DTWD1: variants seen among roughly 807,000 people sequenced by gnomAD.
DTWD1 encodes DTW motif tRNA-uridine aminocarboxypropyltransferase 1.
In DTWD1, 27 loss-of-function variants were observed where a neutral mutation model predicts 30.2. The observed-to-expected ratio is 0.90, with a 90% CI of 0.66 to 1.23. DTWD1 has a LOEUF of 1.23. Ranked by LOEUF, DTWD1 falls within the 50% of genes most tolerant of loss-of-function variation. The pLI, the probability that DTWD1 is intolerant of heterozygous loss-of-function variation, is 0.00. For synonymous variants in DTWD1, 99 were observed against 113.1 expected (o/e 0.88, Z 0.79); for missense variants, 342 against 348.8 (o/e 0.98, Z 0.15).
Position 49,643,423 on chromosome 15 carries a change from A to G in DTWD1, c.760A>G (p.Ile254Val). Residue 254 changes from isoleucine to valine, a missense_variant, in exon 5 of 5, where the codon ATT becomes GTT. Ile to Val is a conservative substitution (Grantham distance 29, BLOSUM62 3). Transcript: ENST00000403028. ...PDTFLSTIEA[I>V]YYFLVDYHTD... is the part of the protein sequence containing the mutation. ...TACTTTCCTTTCTACAATTGAAGCC[A>G]TTTACTACTTTCTGGTAGACTACCA... 6.2e-7 allele frequency: 1 copy of G among 1,605,012 alleles called. No homozygotes were observed.
chr15:49,636,674 G>A (rs1317935175), intron 4 of DTWD1, among the ~76,000 whole-genome samples: 1 of 152,048 alleles, frequency 6.6e-6, no homozygotes, highest in African/African-American at 2.4e-5. Context: ...TAAATCCAGG[G>A]TTGTCTATGT....
In DTWD1 at chr15:49,643,747, G is replaced by T; in HGVS notation, c.*169G>T. The T allele has an allele frequency of 1.4e-6, 1 of 697,758 alleles. No homozygotes were observed. The highest frequency in any genetic ancestry group is 3.5e-5 in the South Asian group (1 of 28,352). The allele number at this position is 697,758 out of a possible 1,614,324, so 43.2% of individuals were successfully genotyped here. On this transcript the variant is annotated 3_prime_UTR_variant, in exon 5 of 5. Transcript: ENST00000403028. ...TTTCTTGAAGGAAATTGTATCTGGG[G>T]GAATTTTTCAGAGATACTGTTGATT... is the stretch of plus-strand genomic sequence containing the variant.
intron 2 of DTWD1, among the ~76,000 whole-genome samples, chr15:49,627,244 G>A (rs919216325): frequency 2.6e-5 from 4 of 152,090 alleles, no homozygotes; most frequent in Non-Finnish European, 5.9e-5. Flanking sequence ...TTTCTAAAGT[G>A]TTTATATTTT....
At chr15:49,626,774 G>T (rs1264977179) in intron 2 of DTWD1, 1 of 444,730 alleles carries the variant, frequency 2.2e-6, no homozygotes, top group East Asian at 7.0e-5. Context: ...CCAGTCCATG[G>T]TCTCCTCAGC....
rs894056828 is a variant in DTWD1, at chr15:49,650,987, A to C, written c.*7409A>C. The C allele has an allele frequency of 6.6e-6, 1 of 152,178 alleles. No homozygotes were observed. The highest frequency in any genetic ancestry group is 2.4e-5 in the African/African-American group (1 of 41,454). The allele number at this position is 152,178 out of a possible 1,614,324, so 9.4% of individuals were successfully genotyped here. A position where few individuals can be genotyped will look rare whatever the true frequency, so the allele number is the denominator to read the frequency against. On this transcript the variant is annotated 3_prime_UTR_variant, in exon 5 of 5. Transcript: ENST00000403028. ...ACAAAAGCCCATGGCTCAAGGTGGTAACTTTTATTAGTGGTAAAATGAGAA... is the reference window on the plus strand; with the variant it reads ...ACAAAAGCCCATGGCTCAAGGTGGTCACTTTTATTAGTGGTAAAATGAGAA...
chr15:49,633,061 A>C (rs1165321766), intron 3 of DTWD1, among the ~76,000 whole-genome samples: 4 of 144,892 alleles, frequency 2.8e-5, no homozygotes, highest in African/African-American at 1.0e-4. Context: ...ATATATATAT[A>C]TATATATATG....
chr15:49,633,725 G>A (rs2078963167), intron 3 of DTWD1: 1 of 193,706 alleles, frequency 5.2e-6, no homozygotes, highest in Non-Finnish European at 1.1e-5. Flanking sequence ...GAAAATTTGG[G>A]AAATAGAGAA....
Position 49,650,575 on chromosome 15 carries a change from C to A in DTWD1, c.*6997C>A, listed in dbSNP as rs1365330742. The A allele has an allele frequency of 6.6e-6, 1 of 152,118 alleles. No homozygotes were observed. The allele number at this position is 152,118 out of a possible 1,614,324, so 9.4% of individuals were successfully genotyped here. ...ATATCCCCCTTCTAGGAAGGACTTG[C>A]TAATTAGCTGCAGGGAGTGTGAAGA... On this transcript the variant is annotated 3_prime_UTR_variant, in exon 5 of 5. Transcript: ENST00000403028.
rs371850152 is a variant in DTWD1, at chr15:49,632,269, G to A, written c.375G>A (p.Pro125=). The A allele has an allele frequency of 3.1e-5, 50 of 1,589,314 alleles. No individual in the cohort carries two copies. The African/African-American group carries it at 3.8e-4, about 12-fold the overall frequency. The change falls in exon 3 of 5, where the codon CCG becomes CCA. Residue 125 remains proline (P), a synonymous_variant. Coordinates refer to ENST00000403028, the MANE Select transcript of DTWD1 (RefSeq NM_001144955.2). The part of the protein sequence containing the change: ...APEFVNIYTY[P]CIPEYEEKDH... ...AATTTGTAAACATTTACACGTATCCGTGTATTCCAGAATATGAAGAAAAGG... is the reference window on the plus strand; with the variant it reads ...AATTTGTAAACATTTACACGTATCCATGTATTCCAGAATATGAAGAAAAGG...
At position 49,652,182 on chromosome 15, in the gene DTWD1, A is replaced by G. The variant is rs1203110795; in HGVS notation, c.*8604A>G. On this transcript the variant is annotated 3_prime_UTR_variant, in exon 5 of 5. Coordinates refer to ENST00000403028, the MANE Select transcript of DTWD1 (RefSeq NM_001144955.2). The stretch of plus-strand genomic sequence containing the variant: ...CTTCATAACTCTGAACTCTGCAGTG[A>G]GAGGTCTTGGTCCCACAAGGGGACA... The G allele has an allele frequency of 7.9e-5, 12 of 152,092 alleles. No homozygotes were observed. The highest frequency in any genetic ancestry group is 2.9e-5 in the Non-Finnish European group (2 of 68,012). The allele number at this position is 152,092 out of a possible 1,614,324, so 9.4% of individuals were successfully genotyped here.
chr15:49,642,896 G>C (rs1407377392), intron 4 of DTWD1, among the ~76,000 whole-genome samples: 1 of 152,156 alleles, frequency 6.6e-6, no homozygotes, highest in Admixed American at 6.6e-5. Context: ...CTGCAGTCTA[G>C]CCTGGGTGAC....
rs555736987 is a variant in DTWD1, at chr15:49,625,653, A to G, written c.264+222A>G. On this transcript the variant is annotated intron_variant, in intron 2 of 4. Coordinates refer to ENST00000403028, the MANE Select transcript of DTWD1 (RefSeq NM_001144955.2). The stretch of plus-strand genomic sequence containing the variant: ...GCGCCTGATCGCAAGAGCACACCGA[A>G]CAAAGGAAGGAAGGGATTTTTAACC... 16 of 496,280 alleles carry G rather than the reference A, an allele frequency of 3.2e-5. No individual in the cohort carries two copies. The South Asian group carries it at 3.9e-4, about 12-fold the overall frequency. The allele number at this position is 496,280 out of a possible 1,614,324, so 30.7% of individuals were successfully genotyped here.
At chr15:49,630,280 T>G (rs574728074) in intron 2 of DTWD1, among the ~76,000 whole-genome samples, 2 of 152,168 alleles carry the variant, frequency 1.3e-5, no homozygotes, top group East Asian at 3.9e-4. Context: ...TTAACATATG[T>G]TAAAACTTAT....
chr15:49,640,840 G>A (rs1194695111), intron 4 of DTWD1, among the ~76,000 whole-genome samples: 1 of 151,788 alleles, frequency 6.6e-6, no homozygotes, highest in East Asian at 1.9e-4. Flanking sequence ...TGCAGTTTGT[G>A]GTTCATCTTT....
At chr15:49,626,318 A>G (rs1440822118) in intron 2 of DTWD1, among the ~76,000 whole-genome samples, 1 of 152,150 alleles carries the variant, frequency 6.6e-6, no homozygotes, top group Admixed American at 6.5e-5. Flanking sequence ...AGCAGATTTC[A>G]TTGACCAAAA....
At chr15:49,642,831 A>T (rs2079081377) in intron 4 of DTWD1, among the ~76,000 whole-genome samples, 1 of 152,058 alleles carries the variant, frequency 6.6e-6, no homozygotes, top group Non-Finnish European at 1.5e-5. Context: ...GGAGGCTGAG[A>T]TGGGAGGATC....
rs2079153938 is a variant in DTWD1, at chr15:49,651,823, A to G, written c.*8245A>G. ...CCGGAAACCTATTTTATGGAAAACC[A>G]AGCGCAGGAGTGGACCCATATCCAC... On this transcript the variant is annotated 3_prime_UTR_variant, in exon 5 of 5. Transcript: ENST00000403028. 4 of 152,072 alleles carry G rather than the reference A, an allele frequency of 2.6e-5. No homozygotes were observed. 9.4% of individuals were successfully genotyped at this position (152,072 alleles called of 1,614,324 possible).
intron 3 of DTWD1, 116 bp from the exon 4 acceptor site, chr15:49,634,420 C>G: frequency 8.2e-7 from 1 of 1,219,624 alleles, no homozygotes; most frequent in Non-Finnish European, 1.1e-6. Context: ...TAGAACCAAC[C>G]TAATGCTTAT....
intron 3 of DTWD1, among the ~76,000 whole-genome samples, chr15:49,632,664 T>C (rs2078939110): frequency 6.6e-6 from 1 of 152,200 alleles, no homozygotes; most frequent in African/African-American, 2.4e-5. Flanking sequence ...TTACAAATAT[T>C]GTTGGAATTT....
Sources: allele counts gnomAD v4.1 joint callset (sites outside exome capture counted in the v4.1 genomes callset), GRCh38; gene constraint gnomAD v4.1.1; transcripts MANE v1.5; gene names NCBI Gene and HGNC (gene_info 2026-07-23, HGNC 2026-07-21).